Variants in CNTNAP2 observed in about 807,000 individuals in gnomAD.
CNTNAP2 encodes contactin associated protein 2, also known as contactin-associated protein-like 2.
Under a neutral mutation model 155.2 loss-of-function variants are expected in CNTNAP2, and 98 were observed. That is an observed-to-expected ratio of 0.63 (90% CI 0.54 to 0.75). CNTNAP2 has a LOEUF of 0.75. CNTNAP2 is among the 30% of genes least tolerant of loss of function. CNTNAP2 has a pLI of 0.00. For missense variants in CNTNAP2, 1,727 were observed against 1,688.1 expected (o/e 1.02, Z -0.40); for synonymous variants, 651 against 631.2 (o/e 1.03, Z -0.47).
intron 8 of CNTNAP2, among the ~76,000 whole-genome samples, chr7:147,204,094 A>C (rs1802973626): frequency 6.6e-6 from 1 of 151,966 alleles, no homozygotes. Flanking sequence ...AAAATTTCAA[A>C]AAGACTTTTT....
intron 14 of CNTNAP2, among the ~76,000 whole-genome samples, chr7:147,906,907 TCA>T (rs1432302861): frequency 6.6e-6 from 1 of 152,216 alleles, no homozygotes; most frequent in Non-Finnish European, 1.5e-5. Flanking sequence ...TTCTAACATT[TCA>T]CAGTTACTCA....
chr7:147,454,710 A>C (rs1184598573), intron 10 of CNTNAP2, among the ~76,000 whole-genome samples: 1 of 151,958 alleles, frequency 6.6e-6, no homozygotes, highest in Admixed American at 6.6e-5. Flanking sequence ...ATTAACCTTC[A>C]AGACGCCTTA....
At position 147,879,552 on chromosome 7, in the gene CNTNAP2, G is replaced by T. The variant is rs578126158; in HGVS notation, c.2099-24013G>T. ...CCTGCAATAAAAATTCAGCAATCTA[G>T]TTGTGCAATAAGTCCGTGTAGGGGC... On this transcript the variant is annotated intron_variant, in intron 13 of 23. Transcript: ENST00000361727. Among the ~76,000 whole-genome samples the T allele has an allele frequency of 7.2e-5, 11 of 152,160 alleles. No individual in the cohort carries two copies. The South Asian group carries it at 2.3e-3, about 32-fold the overall frequency.
intron 3 of CNTNAP2, among the ~76,000 whole-genome samples, chr7:146,930,576 C>G (rs1437784422): frequency 6.6e-6 from 1 of 152,144 alleles, no homozygotes; most frequent in Admixed American, 6.5e-5. Flanking sequence ...ATGAAATTCA[C>G]GCATAACAAT....
At chr7:146,974,788 C>A (rs1797875252) in intron 3 of CNTNAP2, among the ~76,000 whole-genome samples, 1 of 152,016 alleles carries the variant, frequency 6.6e-6, no homozygotes, top group Admixed American at 6.6e-5. Context: ...AACTTGAACT[C>A]AGTGGTTTGA....
At position 148,246,271 on chromosome 7, in the gene CNTNAP2, G is replaced by A. The variant is rs558186644; in HGVS notation, c.3381+16492G>A. 3.2e-4 allele frequency among the ~76,000 whole-genome samples: 48 copies of A among 152,292 alleles called. 1 individual carries two copies. Among genetic ancestry groups the A allele is most frequent in the African/African-American group, 6.7e-4 (28 of 41,560 alleles). On this transcript the variant is annotated intron_variant, in intron 20 of 23. Transcript: ENST00000361727. Reference sequence around the variant, plus strand: ...GTACTAAAAAGGATGTGTCTGCTACGTTGTTTTCTTTAATATCAAGGACTT... The same window carrying A: ...GTACTAAAAAGGATGTGTCTGCTACATTGTTTTCTTTAATATCAAGGACTT...
intron 1 of CNTNAP2, among the ~76,000 whole-genome samples, chr7:146,348,227 T>G (rs1794846492): frequency 6.6e-6 from 1 of 152,038 alleles, no homozygotes; most frequent in South Asian, 2.1e-4. Flanking sequence ...AAGATCAGCC[T>G]GGCCAATATA....
At chr7:147,485,380 T>A (rs1391021352) in intron 10 of CNTNAP2, among the ~76,000 whole-genome samples, 2 of 152,220 alleles carry the variant, frequency 1.3e-5, no homozygotes, top group Admixed American at 1.3e-4. Context: ...TTATGCTTGC[T>A]GCCTCTTTCA....
chr7:147,025,130 C>T (rs921621415), intron 3 of CNTNAP2, among the ~76,000 whole-genome samples: 1 of 149,220 alleles, frequency 6.7e-6, no homozygotes, highest in Admixed American at 6.7e-5. Flanking sequence ...CTAAAAATAC[C>T]AAAAAATTAG....
intron 3 of CNTNAP2, among the ~76,000 whole-genome samples, chr7:146,854,808 A>G (rs1342874933): frequency 9.2e-5 from 14 of 152,184 alleles, no homozygotes; most frequent in Admixed American, 4.6e-4. Context: ...TGGCATGCAC[A>G]GGGAATGACA....
chr7:147,054,663 G>A (rs1241784437), intron 4 of CNTNAP2, among the ~76,000 whole-genome samples: 1 of 152,062 alleles, frequency 6.6e-6, no homozygotes, highest in Non-Finnish European at 1.5e-5. Context: ...TAGCTAGGGA[G>A]AGAAGAGCAA....
intron 9 of CNTNAP2, among the ~76,000 whole-genome samples, chr7:147,358,767 A>G (rs139221952): frequency 6.6e-6 from 1 of 152,254 alleles, no homozygotes; most frequent in African/African-American, 2.4e-5. Context: ...TAATGTTGCC[A>G]TTCCTCAAAA....
chr7:146,988,358 G>T (rs1798152164), intron 3 of CNTNAP2, among the ~76,000 whole-genome samples: 1 of 151,872 alleles, frequency 6.6e-6, no homozygotes, highest in African/African-American at 2.4e-5. Flanking sequence ...TATATATATG[G>T]ATATGTTTTC....
At chr7:146,684,386 A>G (rs1266307489) in intron 1 of CNTNAP2, among the ~76,000 whole-genome samples, 2 of 152,182 alleles carry the variant, frequency 1.3e-5, no homozygotes, top group Non-Finnish European at 2.9e-5. Context: ...GACAGTTTTT[A>G]CAAGTGTAAT....
chr7:147,637,753 C>T (rs1440992009), intron 12 of CNTNAP2, among the ~76,000 whole-genome samples: 1 of 152,094 alleles, frequency 6.6e-6, no homozygotes, highest in African/African-American at 2.4e-5. Context: ...ATCAATAGTA[C>T]ATTACGTGTA....
chr7:146,197,619 T>G (rs1028354501), intron 1 of CNTNAP2, among the ~76,000 whole-genome samples: 1 of 152,208 alleles, frequency 6.6e-6, no homozygotes, highest in African/African-American at 2.4e-5. Context: ...TAAGTATAAC[T>G]TTAAGCCAAT....
chr7:146,621,005 T>C (rs1455162532), intron 1 of CNTNAP2, among the ~76,000 whole-genome samples: 1 of 152,204 alleles, frequency 6.6e-6, no homozygotes, highest in African/African-American at 2.4e-5. Flanking sequence ...TTCTTTCTTA[T>C]AGAGCTTTCC....
At chr7:146,221,073 G>A (rs73739570) in intron 1 of CNTNAP2, among the ~76,000 whole-genome samples, 4 of 152,258 alleles carry the variant, frequency 2.6e-5, no homozygotes, top group East Asian at 3.9e-4. Flanking sequence ...TCCTTAATCC[G>A]TGTGAGAATG....
chr7:146,486,843 T>G (rs557825497), intron 1 of CNTNAP2, among the ~76,000 whole-genome samples: 2 of 152,300 alleles, frequency 1.3e-5, no homozygotes, highest in South Asian at 4.1e-4. Flanking sequence ...CATCTGTTCT[T>G]GGCTCCCTAA....
Sources: allele counts gnomAD v4.1 joint callset (sites outside exome capture counted in the v4.1 genomes callset), GRCh38; gene constraint gnomAD v4.1.1; transcripts MANE v1.5; gene names NCBI Gene and HGNC (gene_info 2026-07-23, HGNC 2026-07-21).